ABCA3: variants seen among roughly 807,000 people sequenced by gnomAD.
ABCA3 encodes the protein phospholipid-transporting ATPase ABCA3.
ABCA3 carries 88 observed loss-of-function variants against 172.8 expected under a neutral mutation model. The ratio of observed to expected loss-of-function variants is 0.51; its 90% CI spans 0.43 to 0.61. The LOEUF (loss-of-function observed/expected upper bound fraction) is 0.61, where lower values mean the gene tolerates loss of function less well. Ranked by LOEUF, ABCA3 falls within the 20% of genes least tolerant of loss-of-function variation. ABCA3 has a pLI of 0.00. For synonymous variants in ABCA3, 1,066 were observed against 983.8 expected (o/e 1.08, Z -1.56); for missense variants, 2,164 against 2,301.0 (o/e 0.94, Z 1.22).
intron 1 of ABCA3, among the ~76,000 whole-genome samples, chr16:2,337,153 G>A (rs545356851): frequency 6.6e-6 from 1 of 151,222 alleles, no homozygotes; most frequent in South Asian, 2.1e-4. Flanking sequence ...GGCCTTAAGG[G>A]ATTGTCTCAT....
rs2093660371 is a variant in ABCA3 at position 2,284,881 on chromosome 16, A to T, written c.3601T>A (p.Phe1201Ile). 2 of 1,613,858 alleles carry T rather than the reference A, an allele frequency of 1.2e-6. No individual in the cohort carries two copies. Among genetic ancestry groups the T allele is most frequent in the South Asian group, 1.1e-5 (1 of 91,054 alleles). ...GCAGTGGCCGCCCCCAAGAAGAAGA[A>T]GTTCATCAGGTACATGAGGGGGATG... ...AIIPLMYLMN[F>I]FFLGAATAYT... The change falls in exon 24 of 33, where the codon TTC (phenylalanine) becomes ATC (isoleucine). Residue 1201 changes from phenylalanine (F) to isoleucine (I), a missense_variant. Physicochemically the swap from Phe to Ile is conservative, Grantham distance 21. Coordinates refer to ENST00000301732, the MANE Select transcript of ABCA3 (RefSeq NM_001089.3). The surrounding 1 kb of genome is among the most constrained non-coding windows in gnomAD (Gnocchi z 5.9).
At chr16:2,289,775 G>C (rs2093668995) in intron 19 of ABCA3, among the ~76,000 whole-genome samples, 155 bp from the exon 20 acceptor site, 1 of 152,012 alleles carries the variant, frequency 6.6e-6, no homozygotes, top group Non-Finnish European at 1.5e-5. Flanking sequence ...CAGTGTCTCC[G>C]GCCACCATGC....
In ABCA3 at chr16:2,279,812, T is replaced by G. The variant is rs1423825972; in HGVS notation, c.4360-682A>C. ...ACACTGGTAGAGCGCAGTGGCATGA[T>G]CTCGGCTCACTACAACCTCTGCCTC... On this transcript the variant is annotated intron_variant, in intron 28 of 32. Coordinates refer to ENST00000301732, the MANE Select transcript of ABCA3 (RefSeq NM_001089.3). This position sits in a 1 kb window ranked among gnomAD's most constrained non-coding sequence, Gnocchi z 4.4. 6.6e-6 allele frequency among the ~76,000 whole-genome samples: 1 copy of G among 151,786 alleles called. No individual in the cohort carries two copies. The highest frequency in any genetic ancestry group is 1.5e-5 in the Non-Finnish European group (1 of 67,958).
chr16:2,330,067 G>C (rs2093740605), intron 1 of ABCA3, among the ~76,000 whole-genome samples: 1 of 151,934 alleles, frequency 6.6e-6, no homozygotes, highest in Non-Finnish European at 1.5e-5. Context: ...AGACTGAGCT[G>C]GGCGGATCAC....
chr16:2,289,632 C>T lies in ABCA3; in HGVS notation c.2514-12G>A. On this transcript the variant is annotated splice_polypyrimidine_tract_variant and intron_variant, in intron 19 of 32. Coordinates refer to ENST00000301732, the MANE Select transcript of ABCA3 (RefSeq NM_001089.3). The stretch of plus-strand genomic sequence containing the variant: ...CCAGCTTCCCGACCCTGTGCCGATA[C>T]ACACAGGGACCGGTCAGGACCCAGC... The T allele has an allele frequency of 1.9e-6, 3 of 1,547,622 alleles. No individual in the cohort carries two copies. The highest frequency in any genetic ancestry group is 1.2e-5 in the South Asian group (1 of 84,028).
chr16:2,335,656 A>C lies in ABCA3; in HGVS notation c.-539+4917T>G, dbSNP rs1198403653. Among the ~76,000 whole-genome samples, 4 of 152,268 alleles carry C rather than the reference A, an allele frequency of 2.6e-5. No individual in the cohort carries two copies. In the East Asian group the frequency reaches 5.8e-4, roughly 22 times the overall value. On this transcript the variant is annotated intron_variant, in intron 1 of 32. Coordinates refer to ENST00000301732, the MANE Select transcript of ABCA3 (RefSeq NM_001089.3). ...AGCCGTGGCATCCTGACTGAGGAGG[A>C]GGCACCCTGTGATGTGGGGAGTGAT...
At chr16:2,282,968 C>T (rs558182372) in intron 26 of ABCA3, among the ~76,000 whole-genome samples, 1 of 152,344 alleles carries the variant, frequency 6.6e-6, no homozygotes, top group African/African-American at 2.4e-5. Context: ...GCTGACTCCT[C>T]GGCAGGGGCT....
chr16:2,296,575 G>A lies in ABCA3; in HGVS notation c.2263+754C>T, dbSNP rs114165800. Among the ~76,000 whole-genome samples the A allele has an allele frequency of 5.8e-3, 882 of 152,330 alleles. 8 individuals are homozygous for A. Among genetic ancestry groups the A allele is most frequent in the African/African-American group, 0.02 (835 of 41,578 alleles). On this transcript the variant is annotated intron_variant, in intron 17 of 32. Coordinates refer to ENST00000301732, the MANE Select transcript of ABCA3 (RefSeq NM_001089.3). ...GAGACAAGGATGCCAGGCCCAGGAA[G>A]AACAATGGCTCTGCCAACTGGGCAG...
chr16:2,302,691 C>T (rs1378168339), intron 12 of ABCA3, among the ~76,000 whole-genome samples: 1 of 151,892 alleles, frequency 6.6e-6, no homozygotes, highest in African/African-American at 2.4e-5. Context: ...CACTATGTTG[C>T]CCAGGCTGGT....
Position 2,297,480 on chromosome 16 carries a change from C to G in ABCA3, c.2112G>C (p.Trp704Cys). The part of the protein sequence containing the change: ...GMDAISRRAI[W>C]DLLQRQKSDR... Reference sequence around the variant, plus strand: ...CACTTTTCTGCCGCTGAAGAAGATCCCAGATGGCCCTCCTGGAGATGGCGT... The same window carrying G: ...CACTTTTCTGCCGCTGAAGAAGATCGCAGATGGCCCTCCTGGAGATGGCGT... The change falls in exon 17 of 33, where the codon TGG becomes TGC. Residue 704 changes from tryptophan to cysteine, a missense_variant. Coordinates refer to ENST00000301732, the MANE Select transcript of ABCA3 (RefSeq NM_001089.3). This position sits in a 1 kb window ranked among gnomAD's most constrained non-coding sequence, Gnocchi z 5.6. 1 of 1,613,654 alleles carries G rather than the reference C, an allele frequency of 6.2e-7. No homozygotes were observed. The highest frequency in any genetic ancestry group is 2.2e-5 in the East Asian group (1 of 44,852).
chr16:2,283,047 T>G lies in ABCA3; in HGVS notation c.4035+139A>C, dbSNP rs915916216. Reference sequence around the variant, plus strand: ...CCTGGCTGTAAGTGCCGGCTGGTGCTGAGGCCGTACAGTGGGAGACCATCT... The same window carrying G: ...CCTGGCTGTAAGTGCCGGCTGGTGCGGAGGCCGTACAGTGGGAGACCATCT... On this transcript the variant is annotated intron_variant, in intron 26 of 32. Coordinates refer to ENST00000301732, the MANE Select transcript of ABCA3 (RefSeq NM_001089.3). The surrounding 1 kb of genome is among the most constrained non-coding windows in gnomAD (Gnocchi z 5.4). 7 of 1,005,476 alleles carry G rather than the reference T, an allele frequency of 7.0e-6. No homozygotes were observed. The highest frequency in any genetic ancestry group is 2.8e-5 in the South Asian group (2 of 72,260). 62.3% of individuals were successfully genotyped at this position (1,005,476 alleles called of 1,614,324 possible).
chr16:2,286,043 G>A lies in ABCA3; in HGVS notation c.3279-397C>T, dbSNP rs1324648558. 5.3e-5 allele frequency among the ~76,000 whole-genome samples: 8 copies of A among 152,244 alleles called. No homozygotes were observed. The South Asian group carries it at 1.7e-3, about 32-fold the overall frequency. On this transcript the variant is annotated intron_variant, in intron 22 of 32. Coordinates refer to ENST00000301732, the MANE Select transcript of ABCA3 (RefSeq NM_001089.3). This position sits in a 1 kb window ranked among gnomAD's most constrained non-coding sequence, Gnocchi z 5.2. ...GAGTTGATGGCAAGGAGAGCAGATC[G>A]AGGGCTGTTGCTTTTCTGCTCTTGG...
chr16:2,339,725 ACAGTC>A (rs2093757495), intron 1 of ABCA3, among the ~76,000 whole-genome samples: 1 of 152,222 alleles, frequency 6.6e-6, no homozygotes, highest in South Asian at 2.1e-4. Flanking sequence ...CCCGGAGTGC[ACAGTC>A]CAGGACGTAA....
At chr16:2,320,675 G>A (rs1250494826) in intron 7 of ABCA3, among the ~76,000 whole-genome samples, 2 of 152,102 alleles carry the variant, frequency 1.3e-5, no homozygotes, top group East Asian at 3.9e-4. Context: ...GGGATGACAG[G>A]TGTGAGCCAC....
At chr16:2,282,033 G>T (rs1041754871) in intron 26 of ABCA3, among the ~76,000 whole-genome samples, 1 of 152,070 alleles carries the variant, frequency 6.6e-6, no homozygotes, top group East Asian at 1.9e-4. Context: ...TTGGTGATCC[G>T]TCCACCTTGG....
rs763447127 is a variant in ABCA3, at chr16:2,317,699, G to A, written c.939C>T (p.Phe313=). The stretch of plus-strand genomic sequence containing the variant: ...AGGAGGCGGCGATGAGGAGGAAGAG[G>A]AAGAACAAGAGGAACCAGGCACTCC... The part of the protein sequence containing the change: ...LHWSAWFLLF[F]LFLLIAASFM... Residue 313 remains phenylalanine (F), a synonymous_variant, in exon 9 of 33, where the codon TTC becomes TTT. Transcript: ENST00000301732. 2 of 1,614,118 alleles carry A rather than the reference G, an allele frequency of 1.2e-6. No individual in the cohort carries two copies. Among genetic ancestry groups the A allele is most frequent in the Non-Finnish European group, 1.7e-6 (2 of 1,180,042 alleles).
rs1034028877 is a variant in ABCA3, at chr16:2,286,420, C to T, written c.3278+274G>A. Reference sequence around the variant, plus strand: ...GAGCGAGGACAGTGGCTGACAGGAGCCAGGTAGATTTAGGAGGAGAAGGCA... The same window carrying T: ...GAGCGAGGACAGTGGCTGACAGGAGTCAGGTAGATTTAGGAGGAGAAGGCA... On this transcript the variant is annotated intron_variant, in intron 22 of 32. Transcript: ENST00000301732. The surrounding 1 kb of genome is among the most constrained non-coding windows in gnomAD (Gnocchi z 5.2). Among the ~76,000 whole-genome samples, 12 of 151,362 alleles carry T rather than the reference C, an allele frequency of 7.9e-5. No homozygotes were observed. Among genetic ancestry groups the T allele is most frequent in the Non-Finnish European group, 1.6e-4 (11 of 67,814 alleles).
intron 2 of ABCA3, among the ~76,000 whole-genome samples, chr16:2,329,317 T>C (rs370693295): frequency 1.8e-4 from 28 of 152,260 alleles, no homozygotes; most frequent in African/African-American, 6.3e-4. Context: ...CTGTGGTTTA[T>C]AAAAGGTTTC....
In ABCA3 at chr16:2,278,687, C is replaced by T. The variant is rs1033664526; in HGVS notation, c.4548-229G>A. Among the ~76,000 whole-genome samples the T allele has an allele frequency of 2.0e-5, 3 of 152,202 alleles. No individual in the cohort carries two copies. Among genetic ancestry groups the T allele is most frequent in the Non-Finnish European group, 4.4e-5 (3 of 68,016 alleles). ...CGGTGCACGCACCTACATGGGAAGACATCTGCCTGCACCTAAAGGGGACCT... is the reference window on the plus strand; with the variant it reads ...CGGTGCACGCACCTACATGGGAAGATATCTGCCTGCACCTAAAGGGGACCT... On this transcript the variant is annotated intron_variant, in intron 29 of 32. Transcript: ENST00000301732. The surrounding 1 kb of genome is among the most constrained non-coding windows in gnomAD (Gnocchi z 4.4).
Sources: allele counts gnomAD v4.1 joint callset (sites outside exome capture counted in the v4.1 genomes callset), GRCh38; gene constraint gnomAD v4.1.1; non-coding constraint Gnocchi (gnomAD v3.1); transcripts MANE v1.5; gene names NCBI Gene and HGNC (gene_info 2026-07-23, HGNC 2026-07-21).